The following LMO4 variants were observed in gnomAD, a reference collection of about 807,000 sequenced individuals.
LMO4 encodes LIM domain only 4.
LMO4 carries 3 observed loss-of-function variants against 18.5 expected under a neutral mutation model. The ratio of observed to expected loss-of-function variants is 0.16; its 90% CI spans 0.07 to 0.42. The LOEUF is 0.42. Among genes scored for constraint, LMO4 ranks in the 10% least tolerant of loss-of-function variants. The pLI, the probability that LMO4 is intolerant of heterozygous loss-of-function variation, is 0.99. For synonymous variants in LMO4, 100 were observed against 88.1 expected, an observed-to-expected ratio of 1.14 and a Z score of -0.76; for missense variants, 121 against 219.9, an observed-to-expected ratio of 0.55 and a Z score of 2.84.
At chr1:87,339,713 G>T in intron 3 of LMO4, 81 bp downstream of exon 3, 1 of 874,146 alleles carries the variant, frequency 1.1e-6, no homozygotes, top group Non-Finnish European at 1.8e-6. Context: ...ATTTCTCCTT[G>T]GTATGAACTG....
rs543120555 is a variant in LMO4, at chr1:87,345,175, A to G, written c.*379A>G. 15 of 206,486 alleles carry G rather than the reference A, an allele frequency of 7.3e-5. No homozygotes were observed. The highest frequency in any genetic ancestry group is 3.2e-4 in the African/African-American group (14 of 43,624). 12.8% of individuals were successfully genotyped at this position (206,486 alleles called of 1,614,324 possible). The stretch of plus-strand genomic sequence containing the variant: ...TAGCAGGGCACTGGCCAGAGTTTGT[A>G]CCCTGTGTTTTACCTTAACAACATT... On this transcript the variant is annotated 3_prime_UTR_variant, in exon 5 of 5. Coordinates refer to ENST00000370544, the MANE Select transcript of LMO4 (RefSeq NM_006769.4).
chr1:87,343,826 A>G (rs752147238), intron 4 of LMO4, among the ~76,000 whole-genome samples: 1 of 152,182 alleles, frequency 6.6e-6, no homozygotes, highest in Non-Finnish European at 1.5e-5. Flanking sequence ...TGCAGTTCCT[A>G]ATAGACTACA....
chr1:87,339,569 C>G lies in LMO4; in HGVS notation c.270C>G (p.Cys90Trp). The change falls in exon 3 of 5, where the codon TGC becomes TGG. Residue 90 changes from cysteine to tryptophan, a missense_variant. This residue lies in a region of LMO4 where 62 missense variants were observed against 128.8 expected (regional missense o/e 0.48). Coordinates refer to ENST00000370544, the MANE Select transcript of LMO4 (RefSeq NM_006769.4). ...LFGNSGACSA[C>W]GQSIPASELV... is the part of the protein sequence containing the mutation. ...GAAATAGCGGTGCTTGCAGCGCTTG[C>G]GGACAGTCGATTCCTGCGAGTGAAC... 2 of 1,613,686 alleles carry G rather than the reference C, an allele frequency of 1.2e-6. No homozygotes were observed. Among genetic ancestry groups the G allele is most frequent in the Non-Finnish European group, 1.7e-6 (2 of 1,179,756 alleles).
chr1:87,332,318 T>A, intron 2 of LMO4, 67 bp downstream of exon 2: 1 of 1,287,660 alleles, frequency 7.8e-7, no homozygotes, highest in South Asian at 1.3e-5. Context: ...GTTAACAGGG[T>A]TGTGAGGAAA....
At chr1:87,339,125 C>T (rs990282292) in intron 2 of LMO4, among the ~76,000 whole-genome samples, 3 of 152,162 alleles carry the variant, frequency 2.0e-5, no homozygotes, top group Admixed American at 6.5e-5. Context: ...ATCCTCTTAA[C>T]CCTTTTGATG....
chr1:87,339,440 C>A, intron 2 of LMO4, 96 bp from the exon 3 acceptor site: 2 of 767,028 alleles, frequency 2.6e-6, no homozygotes, highest in Non-Finnish European at 4.4e-6. Context: ...CTGTCAAATG[C>A]ATTCCAAAGG....
At position 87,339,609 on chromosome 1, in the gene LMO4, C is replaced by T. The variant is rs775716679; in HGVS notation, c.310C>T (p.Gln104Ter). 6.2e-7 allele frequency: 1 copy of T among 1,612,014 alleles called. No individual in the cohort carries two copies. Reference sequence around the variant, plus strand: ...TGCGAGTGAACTCGTCATGAGGGCGCAAGGCAATGTGTATCATCTTAAGGT... The same window carrying T: ...TGCGAGTGAACTCGTCATGAGGGCGTAAGGCAATGTGTATCATCTTAAGGT... ...IPASELVMRA[Q>*]GNVYHLKCFT... The change falls in exon 3 of 5, where the codon CAA (glutamine) becomes TAA (stop). Residue 104 changes from glutamine (Q) to a stop codon, truncating the protein, a stop_gained. Transcript: ENST00000370544. LOFTEE classifies it high-confidence loss of function.
intron 4 of LMO4, 49 bp downstream of exon 4, chr1:87,340,251 G>A: frequency 1.3e-6 from 2 of 1,578,536 alleles, no homozygotes; most frequent in Non-Finnish European, 1.7e-6. Flanking sequence ...AAGTTGGAAG[G>A]TTCAACCTCT....
intron 4 of LMO4, among the ~76,000 whole-genome samples, chr1:87,341,927 A>G (rs540912561): frequency 6.6e-6 from 1 of 152,360 alleles, no homozygotes; most frequent in South Asian, 2.1e-4. Context: ...AATGAGCAAC[A>G]TAAATATTTG....
intron 2 of LMO4, among the ~76,000 whole-genome samples, chr1:87,337,361 A>G (rs1570652356): frequency 2.0e-5 from 3 of 152,332 alleles, no homozygotes; most frequent in African/African-American, 7.2e-5. Context: ...GAAGACTTAC[A>G]ACTGACTTTA....
intron 2 of LMO4, among the ~76,000 whole-genome samples, chr1:87,337,912 T>C (rs191021504): frequency 2.0e-5 from 3 of 152,360 alleles, no homozygotes; most frequent in African/African-American, 7.2e-5. Flanking sequence ...GACAGTGTAT[T>C]ATTTCAGCTT....
chr1:87,329,634 C>T (rs936404437), intron 1 of LMO4, among the ~76,000 whole-genome samples: 1 of 152,090 alleles, frequency 6.6e-6, no homozygotes, highest in African/African-American at 2.4e-5. Flanking sequence ...TACCCCCCCT[C>T]CCTTCTAGTA....
At chr1:87,339,322 C>A (rs1011896039) in intron 2 of LMO4, among the ~76,000 whole-genome samples, 2 of 151,788 alleles carry the variant, frequency 1.3e-5, no homozygotes, top group African/African-American at 4.8e-5. Flanking sequence ...TTGATTAAAT[C>A]TGGGGCATCC....
At chr1:87,339,702 C>A (rs533651333) in intron 3 of LMO4, 70 bp downstream of exon 3, 2 of 960,144 alleles carry the variant, frequency 2.1e-6, no homozygotes, top group Admixed American at 2.1e-5. Flanking sequence ...GGGGGCAAAG[C>A]ATTTCTCCTT....
chr1:87,335,504 C>T (rs867034346), intron 2 of LMO4, among the ~76,000 whole-genome samples: 11 of 152,108 alleles, frequency 7.2e-5, no homozygotes, highest in African/African-American at 2.6e-4. Flanking sequence ...GTCGCGCTTT[C>T]TTTCCCCGGG....
At chr1:87,343,464 A>G (rs1294499723) in intron 4 of LMO4, among the ~76,000 whole-genome samples, 1 of 152,098 alleles carries the variant, frequency 6.6e-6, no homozygotes, top group Admixed American at 6.6e-5. Flanking sequence ...TTTCTTTTGT[A>G]GATTGCTGCC....
At chr1:87,335,161 G>A (rs1650268125) in intron 2 of LMO4, among the ~76,000 whole-genome samples, 1 of 151,904 alleles carries the variant, frequency 6.6e-6, no homozygotes, top group South Asian at 2.1e-4. Flanking sequence ...CCCGGCTCCC[G>A]ACCCCTCAGC....
Position 87,340,301 on chromosome 1 carries a change from G to A in LMO4, c.489+99G>A, listed in dbSNP as rs548469611. 3.6e-6 allele frequency: 4 copies of A among 1,117,432 alleles called. No individual in the cohort carries two copies. In the African/African-American group the frequency reaches 4.7e-5, roughly 13 times the overall value. 69.2% of individuals were successfully genotyped at this position (1,117,432 alleles called of 1,614,324 possible). A position where few individuals can be genotyped will look rare whatever the true frequency, so the allele number is the denominator to read the frequency against. ...AGTTTTCTTGGGTGGTTGTATTTTT[G>A]CATGCCCTTTTAAAGAAATGTAGAT... On this transcript the variant is annotated intron_variant, in intron 4 of 4. Transcript: ENST00000370544.
At chr1:87,335,493 G>A (rs1650280768) in intron 2 of LMO4, among the ~76,000 whole-genome samples, 1 of 151,958 alleles carries the variant, frequency 6.6e-6, no homozygotes, top group African/African-American at 2.4e-5. Context: ...CGGGCGAGCG[G>A]GTCGCGCTTT....
Sources: gnomAD v4.1 joint callset for allele counts (sites outside exome capture counted in the v4.1 genomes callset) on GRCh38, gnomAD v4.1.1 for gene constraint, gnomAD v4.1.1 regional missense constraint, MANE v1.5 for transcripts, NCBI Gene and HGNC (gene_info 2026-07-23, HGNC 2026-07-21) for gene names.